Variants in PTH2R observed in about 807,000 individuals in gnomAD.
PTH2R encodes parathyroid hormone 2 receptor.
Under a neutral mutation model 60.3 loss-of-function variants are expected in PTH2R, and 59 were observed. That is an observed-to-expected ratio of 0.98 (90% CI 0.79 to 1.22). The LOEUF (loss-of-function observed/expected upper bound fraction) is 1.22. Ranked by LOEUF, PTH2R falls within the 50% of genes most tolerant of loss-of-function variation. The pLI is 0.00. For synonymous variants in PTH2R, 256 were observed against 243.8 expected (o/e 1.05, Z -0.47); for missense variants, 749 against 682.6 (o/e 1.10, Z -1.08).
chr2:208,488,028 G>A (rs1703312585), intron 10 of PTH2R, among the ~76,000 whole-genome samples: 1 of 152,062 alleles, frequency 6.6e-6, no homozygotes, highest in Non-Finnish European at 1.5e-5. Context: ...GATAAAACAG[G>A]GGCAAAAATA....
At chr2:208,369,892 G>A (rs1700661803) in intron 1 of PTH2R, among the ~76,000 whole-genome samples, 1 of 151,984 alleles carries the variant, frequency 6.6e-6, no homozygotes, top group South Asian at 2.1e-4. Context: ...TAATGAGAAT[G>A]CTTTTCCAAA....
At chr2:208,418,769 T>G (rs1374026253) in intron 1 of PTH2R, among the ~76,000 whole-genome samples, 1 of 152,142 alleles carries the variant, frequency 6.6e-6, no homozygotes, top group African/African-American at 2.4e-5. Flanking sequence ...AGCATTCAAT[T>G]TATACTCTCT....
intron 1 of PTH2R, among the ~76,000 whole-genome samples, chr2:208,427,668 T>G (rs562420137): frequency 1.2e-4 from 18 of 152,268 alleles, no homozygotes; most frequent in African/African-American, 4.3e-4. Flanking sequence ...TTTGTTATTT[T>G]AAATCACAAC....
intron 10 of PTH2R, 99 bp from the exon 11 acceptor site, chr2:208,488,913 C>A: frequency 8.1e-7 from 1 of 1,230,792 alleles, no homozygotes; most frequent in Non-Finnish European, 1.1e-6. Flanking sequence ...TCAGCCCCAC[C>A]CCCATTAGCT....
rs750293004 is a variant in PTH2R, at chr2:208,444,824, C to T, written c.790C>T (p.Leu264Phe). 2 of 1,613,938 alleles carry T rather than the reference C, an allele frequency of 1.2e-6. No homozygotes were observed. The highest frequency in any genetic ancestry group is 8.5e-7 in the Non-Finnish European group (1 of 1,179,854). Reference sequence around the variant, plus strand: ...GGTGGAAGGTCTCTACCTGCATAATCTCATCTTTGTGGCTTTCTTTTCGGA... The same window carrying T: ...GGTGGAAGGTCTCTACCTGCATAATTTCATCTTTGTGGCTTTCTTTTCGGA... Reference protein sequence around the residue: ...ILVEGLYLHNLIFVAFFSDTK... With the variant: ...ILVEGLYLHNFIFVAFFSDTK... Residue 264 changes from leucine to phenylalanine, a missense_variant, in exon 7 of 13, where the codon CTC (leucine) becomes TTC (phenylalanine). Coordinates refer to ENST00000272847, the MANE Select transcript of PTH2R (RefSeq NM_005048.4).
chr2:208,433,776 G>A (rs370131162), intron 2 of PTH2R, among the ~76,000 whole-genome samples: 5 of 152,108 alleles, frequency 3.3e-5, no homozygotes, highest in South Asian at 2.1e-4. Context: ...GTCACATTTC[G>A]TTTGAAAAGA....
intron 1 of PTH2R, among the ~76,000 whole-genome samples, chr2:208,408,216 G>T (rs1392202538): frequency 6.6e-6 from 1 of 152,120 alleles, no homozygotes; most frequent in Non-Finnish European, 1.5e-5. Flanking sequence ...TAAACAATTT[G>T]TGTGTCATAC....
intron 1 of PTH2R, among the ~76,000 whole-genome samples, chr2:208,372,333 G>A (rs1166820276): frequency 6.6e-6 from 1 of 152,062 alleles, no homozygotes; most frequent in Non-Finnish European, 1.5e-5. Flanking sequence ...AAGGATGCTT[G>A]GTCAAGCCTC....
chr2:208,412,623 A>G (rs888374476), intron 1 of PTH2R, among the ~76,000 whole-genome samples: 1 of 152,208 alleles, frequency 6.6e-6, no homozygotes, highest in African/African-American at 2.4e-5. Flanking sequence ...GTACTGGGAG[A>G]TAGGACACCT....
intron 1 of PTH2R, among the ~76,000 whole-genome samples, chr2:208,408,752 G>C (rs1221400658): frequency 6.6e-6 from 1 of 151,830 alleles, no homozygotes; most frequent in Non-Finnish European, 1.5e-5. Context: ...GAGAGAGAGA[G>C]AGAGAGAGAG....
intron 9 of PTH2R, among the ~76,000 whole-genome samples, chr2:208,464,866 G>A (rs1702710660): frequency 6.6e-6 from 1 of 152,048 alleles, no homozygotes; most frequent in African/African-American, 2.4e-5. Flanking sequence ...CATAATGACT[G>A]TGCCTACTCA....
At chr2:208,464,481 A>C (rs1702700545) in intron 9 of PTH2R, among the ~76,000 whole-genome samples, 1 of 152,132 alleles carries the variant, frequency 6.6e-6, no homozygotes, top group South Asian at 2.1e-4. Flanking sequence ...CCAGTACATG[A>C]TTTGTCTGTC....
chr2:208,379,162 C>T (rs1288957829), intron 1 of PTH2R, among the ~76,000 whole-genome samples: 2 of 152,146 alleles, frequency 1.3e-5, no homozygotes, highest in African/African-American at 2.4e-5. Flanking sequence ...ATATTTGACA[C>T]ATTTGGCTGG....
intron 1 of PTH2R, among the ~76,000 whole-genome samples, chr2:208,427,962 T>C (rs1056906435): frequency 1.3e-5 from 2 of 152,012 alleles, no homozygotes; most frequent in Non-Finnish European, 2.9e-5. Flanking sequence ...CCTAACTATA[T>C]TAAAATTTTC....
chr2:208,373,937 T>C (rs1194420390), intron 1 of PTH2R, among the ~76,000 whole-genome samples: 1 of 152,128 alleles, frequency 6.6e-6, no homozygotes, highest in Non-Finnish European at 1.5e-5. Context: ...AAAAGCTTTT[T>C]ACTTGAAAGC....
At chr2:208,491,992 G>C (rs1408835645) in intron 12 of PTH2R, among the ~76,000 whole-genome samples, 1 of 152,260 alleles carries the variant, frequency 6.6e-6, no homozygotes, top group East Asian at 1.9e-4. Flanking sequence ...GTGTTGATTT[G>C]TTTTTGCCAA....
intron 8 of PTH2R, among the ~76,000 whole-genome samples, chr2:208,459,529 A>C (rs1702589541): frequency 6.6e-6 from 1 of 152,158 alleles, no homozygotes; most frequent in South Asian, 2.1e-4. Context: ...TTTCTTTATC[A>C]GTGAATTTAA....
At chr2:208,468,273 A>G (rs1242081535) in intron 9 of PTH2R, among the ~76,000 whole-genome samples, 1 of 152,190 alleles carries the variant, frequency 6.6e-6, no homozygotes, top group Non-Finnish European at 1.5e-5. Context: ...TAATAATAAC[A>G]ACAACAAACA....
intron 1 of PTH2R, among the ~76,000 whole-genome samples, chr2:208,400,019 C>T (rs888625513): frequency 3.3e-5 from 5 of 152,122 alleles, no homozygotes; most frequent in African/African-American, 4.8e-5. Flanking sequence ...TCATTAATAA[C>T]CCTATGGAAA....
Sources: gnomAD v4.1 joint callset for allele counts (sites outside exome capture counted in the v4.1 genomes callset) on GRCh38, gnomAD v4.1.1 for gene constraint, MANE v1.5 for transcripts, NCBI Gene and HGNC (gene_info 2026-07-23, HGNC 2026-07-21) for gene names.